C14orf132: variants seen among roughly 807,000 people sequenced by gnomAD.
C14orf132 encodes chromosome 14 open reading frame 132.
Under a neutral mutation model 5.8 loss-of-function variants are expected in C14orf132, and 6 were observed. The observed-to-expected ratio is 1.03, with a 90% CI of 0.57 to 2.04. The LOEUF (loss-of-function observed/expected upper bound fraction) is 2.04. C14orf132 is among the 30% of genes most tolerant of loss of function. The probability of loss-of-function intolerance (pLI) is 0.00; values close to 1 mark genes in which losing one functional copy is unlikely to be tolerated. For synonymous variants in C14orf132, 51 were observed against 49.8 expected, an observed-to-expected ratio of 1.02 and a Z score of -0.10; for missense variants, 125 against 115.8, an observed-to-expected ratio of 1.08 and a Z score of -0.37.
chr14:96,078,382 G>T (rs536522843), intron 1 of C14orf132, among the ~76,000 whole-genome samples: 2 of 152,326 alleles, frequency 1.3e-5, no homozygotes, highest in South Asian at 4.1e-4. Flanking sequence ...GAGAGAGGGG[G>T]TTTCTTCTAG....
At chr14:96,051,503 G>A (rs1055408199) in intron 1 of C14orf132, among the ~76,000 whole-genome samples, 3 of 152,154 alleles carry the variant, frequency 2.0e-5, no homozygotes, top group African/African-American at 4.8e-5. Context: ...TCCAGCCCTC[G>A]TGAGGACCCC....
At chr14:96,061,936 A>T (rs1385712536) in intron 1 of C14orf132, among the ~76,000 whole-genome samples, 5 of 152,170 alleles carry the variant, frequency 3.3e-5, no homozygotes, top group Non-Finnish European at 7.3e-5. Context: ...ATAAATAAAT[A>T]AATAAACAAA....
chr14:96,048,470 T>G (rs187722580), intron 1 of C14orf132, among the ~76,000 whole-genome samples: 39 of 152,328 alleles, frequency 2.6e-4, no homozygotes, highest in African/African-American at 9.1e-4. Context: ...CTGCTTTCAC[T>G]TAGTAATATG....
intron 1 of C14orf132, among the ~76,000 whole-genome samples, chr14:96,040,033 C>G (rs1046127600): frequency 1.3e-5 from 2 of 151,974 alleles, no homozygotes; most frequent in Non-Finnish European, 2.9e-5. Context: ...GCTTTGTGAC[C>G]GTGACCCGCC....
intron 1 of C14orf132, among the ~76,000 whole-genome samples, chr14:96,042,015 A>G (rs1263118961): frequency 6.6e-6 from 1 of 152,214 alleles, no homozygotes; most frequent in Non-Finnish European, 1.5e-5. Context: ...GACAAGATGT[A>G]TGTTCATGAA....
At chr14:96,070,463 A>G (rs899077715) in intron 1 of C14orf132, among the ~76,000 whole-genome samples, 3 of 152,122 alleles carry the variant, frequency 2.0e-5, no homozygotes, top group African/African-American at 7.2e-5. Flanking sequence ...ATAAAACTGG[A>G]GCCAGGTTTG....
At chr14:96,061,119 C>T (rs1009569402) in intron 1 of C14orf132, among the ~76,000 whole-genome samples, 2 of 151,822 alleles carry the variant, frequency 1.3e-5, no homozygotes, top group Non-Finnish European at 2.9e-5. Context: ...GGGCTCTGTG[C>T]CTAAAACCAT....
intron 1 of C14orf132, among the ~76,000 whole-genome samples, chr14:96,044,004 C>T (rs746539864): frequency 6.6e-6 from 1 of 152,110 alleles, no homozygotes; most frequent in Non-Finnish European, 1.5e-5. Context: ...GAGGCTCAGC[C>T]GGCAAACAGA....
Position 96,091,535 on chromosome 14 carries a change from C to T in C14orf132, c.*4800C>T, listed in dbSNP as rs118097474. 217 of 160,342 alleles carry T rather than the reference C, an allele frequency of 1.4e-3. 1 individual carries two copies. The highest frequency in any genetic ancestry group is 4.7e-3 in the African/African-American group (196 of 41,648). The allele number at this position is 160,342 out of a possible 1,614,324, so 9.9% of individuals were successfully genotyped here. On this transcript the variant is annotated 3_prime_UTR_variant, in exon 2 of 2. Coordinates refer to ENST00000555004, the MANE Select transcript of C14orf132 (RefSeq NM_001252507.3). ...TGCCCGGGATTACCTGCCCCAGCCC[C>T]GAGGTGGGTTGTGCTCCCTGCAGCT...
chr14:96,068,697 C>A (rs1887609613), intron 1 of C14orf132, among the ~76,000 whole-genome samples: 4 of 152,152 alleles, frequency 2.6e-5, no homozygotes, highest in Admixed American at 6.5e-5. Context: ...GGCTTCTGTG[C>A]AAAGTTCCGC....
At chr14:96,067,559 C>T (rs28758632) in intron 1 of C14orf132, among the ~76,000 whole-genome samples, 4,580 of 151,952 alleles carry the variant, frequency 0.03, 238 homozygotes, top group African/African-American at 0.1. Context: ...ATTAGCTGGG[C>T]GTGGTGGTGG....
At position 96,088,929 on chromosome 14, in the gene C14orf132, G is replaced by T. The variant is rs1005613043; in HGVS notation, c.*2194G>T. On this transcript the variant is annotated 3_prime_UTR_variant, in exon 2 of 2. Coordinates refer to ENST00000555004, the MANE Select transcript of C14orf132 (RefSeq NM_001252507.3). ...CCCTATGGAGGCCCCTCAGCCTCCA[G>T]CCCTAACATAAATGTCGGTTAAATT... The T allele has an allele frequency of 1.3e-5, 2 of 152,312 alleles. No homozygotes were observed. The highest frequency in any genetic ancestry group is 4.8e-5 in the African/African-American group (2 of 41,476). The allele number at this position is 152,312 out of a possible 1,614,324, so 9.4% of individuals were successfully genotyped here. A position where few individuals can be genotyped will look rare whatever the true frequency, so the allele number is the denominator to read the frequency against.
rs185858711 is a variant in C14orf132, at chr14:96,091,649, G to A, written c.*4914G>A. The A allele has an allele frequency of 2.9e-3, 448 of 153,600 alleles. 3 individuals carry two copies. Among genetic ancestry groups the A allele is most frequent in the Non-Finnish European group, 3.3e-3 (225 of 69,034 alleles). 9.5% of individuals were successfully genotyped at this position (153,600 alleles called of 1,614,324 possible). A position where few individuals can be genotyped will look rare whatever the true frequency, so the allele number is the denominator to read the frequency against. Reference sequence around the variant, plus strand: ...GGTTGGGCTGAGCTGCTATGACAGGGAGGCCCAGGGAGTTCTGCTCAGGGA... The same window carrying A: ...GGTTGGGCTGAGCTGCTATGACAGGAAGGCCCAGGGAGTTCTGCTCAGGGA... On this transcript the variant is annotated 3_prime_UTR_variant, in exon 2 of 2. Transcript: ENST00000555004.
intron 1 of C14orf132, among the ~76,000 whole-genome samples, chr14:96,081,800 A>G (rs191721497): frequency 1.3e-5 from 2 of 152,154 alleles, no homozygotes; most frequent in African/African-American, 2.4e-5. Context: ...GAGTCTCACT[A>G]TGTTACCCGG....
At chr14:96,057,603 G>A (rs927989699) in intron 1 of C14orf132, among the ~76,000 whole-genome samples, 4 of 152,154 alleles carry the variant, frequency 2.6e-5, no homozygotes, top group Non-Finnish European at 5.9e-5. Context: ...AGGGTGAACC[G>A]GCCCAGCAGC....
chr14:96,061,810 T>C (rs557574909), intron 1 of C14orf132, among the ~76,000 whole-genome samples: 9 of 152,100 alleles, frequency 5.9e-5, no homozygotes, highest in South Asian at 2.1e-4. Flanking sequence ...CTTGAGAGGC[T>C]GAGGCAGGAG....
chr14:96,065,153 C>T (rs1887493062), intron 1 of C14orf132, among the ~76,000 whole-genome samples: 1 of 152,168 alleles, frequency 6.6e-6, no homozygotes, highest in Non-Finnish European at 1.5e-5. Flanking sequence ...CTGCAGGGTT[C>T]TGAGCCGGAT....
intron 1 of C14orf132, among the ~76,000 whole-genome samples, chr14:96,040,882 G>C (rs1442245055): frequency 6.6e-6 from 1 of 152,050 alleles, no homozygotes; most frequent in Non-Finnish European, 1.5e-5. Flanking sequence ...TTTATTTCTA[G>C]ACTGGAGAAG....
Position 96,039,881 on chromosome 14 carries a change from G to A in C14orf132, c.27+354G>A, listed in dbSNP as rs144905321. Among the ~76,000 whole-genome samples, 1,044 of 152,198 alleles carry A rather than the reference G, an allele frequency of 6.9e-3. 6 individuals are homozygous for A. Among genetic ancestry groups the A allele is most frequent in the Non-Finnish European group, 0.012 (821 of 67,976 alleles). On this transcript the variant is annotated intron_variant, in intron 1 of 1. Coordinates refer to ENST00000555004, the MANE Select transcript of C14orf132 (RefSeq NM_001252507.3). The surrounding 1 kb of genome is among the most constrained non-coding windows in gnomAD (Gnocchi z 5.3). ...GGGTCCCGGAGCCCTCCAAGGCCGG[G>A]CCAGCTCAGACCCGCGCGAACGTGG...
Sources: allele counts gnomAD v4.1 joint callset (sites outside exome capture counted in the v4.1 genomes callset), GRCh38; gene constraint gnomAD v4.1.1; non-coding constraint Gnocchi (gnomAD v3.1); transcripts MANE v1.5; gene names NCBI Gene and HGNC (gene_info 2026-07-23, HGNC 2026-07-21).